The following GBE1 variants were observed in gnomAD, a reference collection of about 807,000 sequenced individuals.
The protein encoded by GBE1 is 1,4-alpha-glucan-branching enzyme.
A neutral mutation model predicts 88.8 loss-of-function variants in GBE1; 70 were observed. The observed-to-expected ratio is 0.79, with a 90% confidence interval of 0.65 to 0.96. The LOEUF (loss-of-function observed/expected upper bound fraction) is 0.96. GBE1 is among the 40% of genes least tolerant of loss of function. The probability of loss-of-function intolerance (pLI) is 0.00; values close to 1 mark genes in which losing one functional copy is unlikely to be tolerated. For missense variants in GBE1, 872 were observed against 871.0 expected, an observed-to-expected ratio of 1.00 and a Z score of -0.01; for synonymous variants, 284 against 300.1, an observed-to-expected ratio of 0.95 and a Z score of 0.56.
intron 12 of GBE1, among the ~76,000 whole-genome samples, chr3:81,538,658 T>C (rs182539878): frequency 1.2e-4 from 19 of 152,118 alleles, no homozygotes; most frequent in Admixed American, 9.9e-4. Flanking sequence ...ACCATGAAAC[T>C]AGCAAAATAA....
chr3:81,720,150 G>T (rs893498836), intron 1 of GBE1, among the ~76,000 whole-genome samples: 1 of 152,006 alleles, frequency 6.6e-6, no homozygotes, highest in East Asian at 1.9e-4. Context: ...AGAGACAAAG[G>T]TTTCAAAATT....
At chr3:81,550,814 C>T (rs1703261908) in intron 12 of GBE1, among the ~76,000 whole-genome samples, 1 of 152,154 alleles carries the variant, frequency 6.6e-6, no homozygotes, top group South Asian at 2.1e-4. Flanking sequence ...AATAATCCAC[C>T]CCTTGTTTAG....
intron 7 of GBE1, among the ~76,000 whole-genome samples, chr3:81,633,484 A>T (rs1704547199): frequency 6.6e-6 from 1 of 152,184 alleles, no homozygotes; most frequent in Admixed American, 6.6e-5. Flanking sequence ...TATATTTTAA[A>T]AACAAATTAA....
intron 15 of GBE1, among the ~76,000 whole-genome samples, chr3:81,498,632 C>G (rs746347572): frequency 1.4e-4 from 21 of 152,094 alleles, no homozygotes; most frequent in Non-Finnish European, 2.6e-4. Context: ...AGAATGAATT[C>G]AGCCTTCAAT....
At chr3:81,670,207 G>A (rs1257535730) in intron 3 of GBE1, among the ~76,000 whole-genome samples, 3 of 152,298 alleles carry the variant, frequency 2.0e-5, no homozygotes, top group South Asian at 4.1e-4. Flanking sequence ...AAGAGCAGCC[G>A]ACTCTAACTG....
intron 14 of GBE1, among the ~76,000 whole-genome samples, chr3:81,527,301 T>C (rs1286427440): frequency 1.3e-5 from 2 of 152,094 alleles, no homozygotes; most frequent in Admixed American, 6.6e-5. Flanking sequence ...ATTCAGGACA[T>C]AGGCATGGGA....
intron 4 of GBE1, 94 bp from the exon 5 acceptor site, chr3:81,649,085 C>T: frequency 1.2e-6 from 1 of 837,838 alleles, no homozygotes. Context: ...TGAATATACT[C>T]AAACACTTGG....
intron 3 of GBE1, among the ~76,000 whole-genome samples, chr3:81,663,431 G>C (rs987133780): frequency 6.6e-6 from 1 of 152,176 alleles, no homozygotes; most frequent in Non-Finnish European, 1.5e-5. Flanking sequence ...GGACAAGACA[G>C]AGTTTGGCCG....
At chr3:81,713,356 A>G (rs548784468) in intron 1 of GBE1, among the ~76,000 whole-genome samples, 36 of 152,332 alleles carry the variant, frequency 2.4e-4, no homozygotes, top group Admixed American at 2.2e-3. Context: ...CATGACGACT[A>G]GCTGTGTGTA....
At chr3:81,719,398 G>T (rs1257609470) in intron 1 of GBE1, among the ~76,000 whole-genome samples, 1 of 151,858 alleles carries the variant, frequency 6.6e-6, no homozygotes, top group Non-Finnish European at 1.5e-5. Context: ...TGTATTTTCA[G>T]TAGAGATGGG....
rs1007696407 is a variant in GBE1 at position 81,502,126 on chromosome 3, T to C, written c.1935-2899A>G. On this transcript the variant is annotated intron_variant, in intron 14 of 15. Transcript: ENST00000429644. ...AATAAAAATCATGTGTCCATCATTT[T>C]ACATGCTTTTCCCACAATAAAGTAC... 2.6e-5 allele frequency among the ~76,000 whole-genome samples: 4 copies of C among 152,132 alleles called. No homozygotes were observed. In the South Asian group the frequency reaches 8.3e-4, roughly 32 times the overall value.
chr3:81,730,975 G>GA (rs1706177531), intron 1 of GBE1, among the ~76,000 whole-genome samples: 1 of 152,170 alleles, frequency 6.6e-6, no homozygotes, highest in Admixed American at 6.6e-5. Context: ...TACATCACTT[G>GA]ATGATAGGGT....
chr3:81,642,151 T>C (rs919696301), intron 7 of GBE1, among the ~76,000 whole-genome samples: 1 of 151,900 alleles, frequency 6.6e-6, no homozygotes, highest in Non-Finnish European at 1.5e-5. Flanking sequence ...AGGTCAGAGA[T>C]CTGTCTGATC....
In GBE1 at chr3:81,591,189, ATATAT is replaced by A. The variant is rs781474311; in HGVS notation, c.1109-30_1109-26del. On this transcript the variant is annotated intron_variant, in intron 8 of 15. Transcript: ENST00000429644. The stretch of plus-strand genomic sequence containing the variant: ...CCTTAGAAAAAGAAAATCAATACGG[ATATAT>A]TATGTTAACAAGCAAGTCTTAACTC... 7.0e-4 allele frequency: 1,095 copies of A among 1,561,110 alleles called. 12 individuals carry two copies. The highest frequency in any genetic ancestry group is 9.3e-5 in the Non-Finnish European group (107 of 1,146,616).
intron 1 of GBE1, among the ~76,000 whole-genome samples, chr3:81,708,250 G>A (rs780197189): frequency 6.6e-6 from 1 of 151,932 alleles, no homozygotes; most frequent in Non-Finnish European, 1.5e-5. Context: ...AAACCATAAG[G>A]AAAGGATGGC....
intron 14 of GBE1, among the ~76,000 whole-genome samples, chr3:81,501,444 C>G (rs564214234): frequency 3.9e-5 from 6 of 152,080 alleles, no homozygotes; most frequent in Non-Finnish European, 8.8e-5. Flanking sequence ...CTTTCTCCAT[C>G]TCTTGTTTCT....
intron 7 of GBE1, 108 bp from the exon 8 acceptor site, chr3:81,594,131 CATA>C (rs1482230870): frequency 2.8e-5 from 15 of 538,460 alleles, no homozygotes; most frequent in Non-Finnish European, 5.0e-5. Context: ...TCTCAAGAAT[CATA>C]ATGTTCAAGA....
intron 1 of GBE1, among the ~76,000 whole-genome samples, chr3:81,758,510 C>T (rs190120384): frequency 6.6e-6 from 1 of 152,300 alleles, no homozygotes. Flanking sequence ...CTTCATAAGC[C>T]TAGATTTTTG....
At chr3:81,651,703 G>A (rs1184053774) in intron 3 of GBE1, among the ~76,000 whole-genome samples, 3 of 152,140 alleles carry the variant, frequency 2.0e-5, no homozygotes, top group Non-Finnish European at 4.4e-5. Context: ...AGTTTTCCGT[G>A]ACTACCACTT....
Sources: gnomAD v4.1 joint callset for allele counts (sites outside exome capture counted in the v4.1 genomes callset) on GRCh38, gnomAD v4.1.1 for gene constraint, MANE v1.5 for transcripts, NCBI Gene and HGNC (gene_info 2026-07-23, HGNC 2026-07-21) for gene names.